The following AFF3 variants were observed in gnomAD, a reference collection of about 807,000 sequenced individuals.
AFF3 encodes the protein ALF transcription elongation factor 3, also known as AF4/FMR2 family member 3.
Under a neutral mutation model 129.7 loss-of-function variants are expected in AFF3, and 32 were observed. The observed-to-expected ratio is 0.25, with a 90% CI of 0.19 to 0.33. AFF3 has a LOEUF of 0.33. Among genes scored for constraint, AFF3 ranks in the 10% least tolerant of loss-of-function variants. AFF3 has a pLI of 1.00. For missense variants in AFF3, 1,373 were observed against 1,592.0 expected, an observed-to-expected ratio of 0.86 and a Z score of 2.34; for synonymous variants, 644 against 635.4, an observed-to-expected ratio of 1.01 and a Z score of -0.20.
chr2:100,007,596 C>T, intron 5 of AFF3, 136 bp from the exon 6 acceptor site: 2 of 791,638 alleles, frequency 2.5e-6, no homozygotes, highest in African/African-American at 1.7e-5. Context: ...AATCGAAATC[C>T]TTATCGTCTC....
chr2:99,581,101 C>A (rs558072022), intron 17 of AFF3, among the ~76,000 whole-genome samples: 1 of 152,198 alleles, frequency 6.6e-6, no homozygotes, highest in African/African-American at 2.4e-5. Flanking sequence ...AAATGGGATC[C>A]GCTGGATTGT....
chr2:99,763,932 A>T (rs1682810549), intron 8 of AFF3, among the ~76,000 whole-genome samples: 1 of 152,180 alleles, frequency 6.6e-6, no homozygotes, highest in South Asian at 2.1e-4. Context: ...ACGCTGATTA[A>T]TCTACTTCAT....
intron 12 of AFF3, among the ~76,000 whole-genome samples, chr2:99,655,213 T>TACACACACACAC (rs59646108): frequency 1.0e-4 from 13 of 130,360 alleles, no homozygotes; most frequent in African/African-American, 3.9e-4. Context: ...CATGAAAAGC[T>TACACACACACAC]ACACACACAC....
intron 7 of AFF3, among the ~76,000 whole-genome samples, chr2:99,925,786 G>A (rs1558980805): frequency 6.6e-6 from 1 of 152,200 alleles, no homozygotes; most frequent in Non-Finnish European, 1.5e-5. Context: ...CCCAGTCCCT[G>A]ACATGGGCTC....
At chr2:99,751,421 C>T (rs550952045) in intron 9 of AFF3, among the ~76,000 whole-genome samples, 6 of 152,104 alleles carry the variant, frequency 3.9e-5, no homozygotes, top group East Asian at 3.9e-4. Context: ...TATTTAGTAA[C>T]GATACATATT....
At chr2:99,918,103 C>CA (rs1364618285) in intron 7 of AFF3, among the ~76,000 whole-genome samples, 1 of 152,082 alleles carries the variant, frequency 6.6e-6, no homozygotes, top group East Asian at 1.9e-4. Flanking sequence ...TTCCTTCAAC[C>CA]AAGAAACTCT....
chr2:100,061,573 G>A (rs1024779086), intron 4 of AFF3, among the ~76,000 whole-genome samples: 1 of 152,162 alleles, frequency 6.6e-6, no homozygotes, highest in African/African-American at 2.4e-5. Context: ...TCCCATGATG[G>A]AGGCAACACA....
chr2:99,788,015 T>C (rs1429901625), intron 8 of AFF3, among the ~76,000 whole-genome samples: 1 of 152,230 alleles, frequency 6.6e-6, no homozygotes, highest in African/African-American at 2.4e-5. Flanking sequence ...CACCTAGTGA[T>C]GCAATAGCCA....
intron 8 of AFF3, among the ~76,000 whole-genome samples, chr2:99,802,685 T>C (rs1205162208): frequency 2.7e-5 from 3 of 112,018 alleles, no homozygotes; most frequent in African/African-American, 9.8e-5. Context: ...AGTATTTTCC[T>C]AGGGTGTCTT....
At chr2:99,713,277 T>C (rs1678066798) in intron 11 of AFF3, among the ~76,000 whole-genome samples, 1 of 151,382 alleles carries the variant, frequency 6.6e-6, no homozygotes, top group Admixed American at 6.6e-5. Context: ...AATTTTTTTT[T>C]TTTTTTTTTT....
intron 4 of AFF3, among the ~76,000 whole-genome samples, chr2:100,039,219 A>G (rs1685223336): frequency 6.6e-6 from 1 of 152,162 alleles, no homozygotes; most frequent in Admixed American, 6.5e-5. Flanking sequence ...CAGTCCTTCA[A>G]GTGTTTTCTA....
chr2:99,806,049 G>C (rs528137292), intron 8 of AFF3, among the ~76,000 whole-genome samples: 2 of 152,002 alleles, frequency 1.3e-5, no homozygotes, highest in South Asian at 4.2e-4. Context: ...GTGTCCCACA[G>C]AGATGATAGA....
rs547148400 is a variant in AFF3 at position 100,077,896 on chromosome 2, G to A, written c.53+26506C>T. ...AAAAAAAGAAAAAAGGACAAAGAAG[G>A]GTTCAAGGAATGCCCTTGGACACCA... is the stretch of plus-strand genomic sequence containing the variant. On this transcript the variant is annotated intron_variant, in intron 4 of 24. Coordinates refer to ENST00000672756, the MANE Select transcript of AFF3 (RefSeq NM_001386135.1). 9.2e-5 allele frequency among the ~76,000 whole-genome samples: 14 copies of A among 152,148 alleles called. 1 individual carries two copies. The East Asian group carries it at 2.1e-3, about 23-fold the overall frequency.
At chr2:99,886,074 G>A (rs552249224) in intron 7 of AFF3, among the ~76,000 whole-genome samples, 2 of 152,264 alleles carry the variant, frequency 1.3e-5, no homozygotes, top group East Asian at 1.9e-4. Context: ...CCTGAACAAA[G>A]TGTGCCCCTC....
At position 99,552,184 on chromosome 2, in the gene AFF3, G is replaced by A. The variant is rs770578637; in HGVS notation, c.3560-589C>T. On this transcript the variant is annotated intron_variant, in intron 24 of 24. Coordinates refer to ENST00000672756, the MANE Select transcript of AFF3 (RefSeq NM_001386135.1). ...GTAGAACGCTTGAGGTCAGGAGATC[G>A]CGACCAGTCAGGACAACATGGCAAA... Among the ~76,000 whole-genome samples, 9 of 152,258 alleles carry A rather than the reference G, an allele frequency of 5.9e-5. No individual in the cohort carries two copies. In the East Asian group the frequency reaches 1.2e-3, roughly 20 times the overall value.
At chr2:99,696,021 C>A (rs547996636) in intron 11 of AFF3, among the ~76,000 whole-genome samples, 1 of 149,510 alleles carries the variant, frequency 6.7e-6, no homozygotes, top group African/African-American at 2.5e-5. Flanking sequence ...TCCAACAGGG[C>A]TCTTTAACTG....
intron 4 of AFF3, among the ~76,000 whole-genome samples, chr2:100,068,107 C>T (rs1267935379): frequency 6.6e-6 from 1 of 152,214 alleles, no homozygotes; most frequent in East Asian, 1.9e-4. Flanking sequence ...CGCAAGATCA[C>T]AAGCTACGTG....
chr2:99,866,706 G>A lies in AFF3; in HGVS notation c.874-29182C>T, dbSNP rs180953545. ...AATCAAGCACTGGCGGTCGGGCGTG[G>A]TGGCTCACGCTTGTAATTCCAGCAC... is the stretch of plus-strand genomic sequence containing the variant. On this transcript the variant is annotated intron_variant, in intron 7 of 24. Coordinates refer to ENST00000672756, the MANE Select transcript of AFF3 (RefSeq NM_001386135.1). Among the ~76,000 whole-genome samples the A allele has an allele frequency of 9.9e-5, 15 of 152,212 alleles. No individual in the cohort carries two copies. The East Asian group carries it at 2.9e-3, about 29-fold the overall frequency.
rs981923946 is a variant in AFF3, at chr2:99,545,488, T to G, written c.*5986A>C. 1 of 152,208 alleles carries G rather than the reference T, an allele frequency of 6.6e-6. No homozygotes were observed. Among genetic ancestry groups the G allele is most frequent in the Non-Finnish European group, 1.5e-5 (1 of 68,038 alleles). 9.4% of individuals were successfully genotyped at this position (152,208 alleles called of 1,614,324 possible). ...TCCTAAACATTGGTGCTATGTTATA[T>G]CATGTCTAGATCCAAGTATTTCTGG... On this transcript the variant is annotated 3_prime_UTR_variant, in exon 25 of 25. Coordinates refer to ENST00000672756, the MANE Select transcript of AFF3 (RefSeq NM_001386135.1).
Sources: allele counts gnomAD v4.1 joint callset (sites outside exome capture counted in the v4.1 genomes callset), GRCh38; gene constraint gnomAD v4.1.1; transcripts MANE v1.5; gene names NCBI Gene and HGNC (gene_info 2026-07-23, HGNC 2026-07-21).